DCDC1: variants seen among roughly 807,000 people sequenced by gnomAD.
DCDC1 encodes doublecortin domain containing 1.
DCDC1 carries 200 observed loss-of-function variants against 178.3 expected under a neutral mutation model. That is an observed-to-expected ratio of 1.12 (90% CI 1.00 to 1.26). The LOEUF (loss-of-function observed/expected upper bound fraction) is 1.26, where lower values mean the gene tolerates loss of function less well. Among genes scored for constraint, DCDC1 ranks in the 50% most tolerant of loss-of-function variants. The pLI, the probability that DCDC1 is intolerant of heterozygous loss-of-function variation, is 0.00. For synonymous variants in DCDC1, 690 were observed against 604.8 expected, an observed-to-expected ratio of 1.14 and a Z score of -2.07; for missense variants, 1,983 against 1,749.2, an observed-to-expected ratio of 1.13 and a Z score of -2.38.
chr11:31,170,184 T>C (rs1467771250), intron 9 of DCDC1, among the ~76,000 whole-genome samples: 6 of 152,220 alleles, frequency 3.9e-5, no homozygotes, highest in Non-Finnish European at 5.9e-5. Flanking sequence ...GTAGTCCAGA[T>C]GAAAGGTACC....
intron 6 of DCDC1, 55 bp downstream of exon 6, chr11:31,305,560 C>T (rs1468343398): frequency 6.4e-7 from 1 of 1,552,916 alleles, no homozygotes; most frequent in Non-Finnish European, 8.7e-7. Context: ...TTTAATTGCA[C>T]CCCTTAAGCA....
At chr11:31,141,911 CAGAGTT>C (rs1288213108) in intron 9 of DCDC1, among the ~76,000 whole-genome samples, 1 of 152,162 alleles carries the variant, frequency 6.6e-6, no homozygotes, top group African/African-American at 2.4e-5. Context: ...CTGTGGGAGT[CAGAGTT>C]AGTTACTGAA....
At chr11:31,315,890 G>A (rs1949081219) in intron 3 of DCDC1, among the ~76,000 whole-genome samples, 1 of 109,026 alleles carries the variant, frequency 9.2e-6, no homozygotes, top group South Asian at 3.1e-4. Flanking sequence ...CCACCTATGA[G>A]TGAGAATATG....
intron 23 of DCDC1, among the ~76,000 whole-genome samples, chr11:30,923,504 G>A (rs1946393835): frequency 6.7e-6 from 1 of 149,840 alleles, no homozygotes; most frequent in African/African-American, 2.5e-5. Context: ...GAAAGGCTCA[G>A]TAAGAAGAAA....
intron 20 of DCDC1, among the ~76,000 whole-genome samples, chr11:31,058,878 T>C (rs1419698010): frequency 6.6e-6 from 1 of 152,100 alleles, no homozygotes; most frequent in Non-Finnish European, 1.5e-5. Context: ...ACCACCTGTC[T>C]CCTCTTTTTT....
chr11:31,191,432 T>G (rs1462993878), intron 9 of DCDC1, among the ~76,000 whole-genome samples: 1 of 152,056 alleles, frequency 6.6e-6, no homozygotes, highest in Admixed American at 6.6e-5. Flanking sequence ...TATAAAACCT[T>G]GCAGCAAATA....
Position 31,310,308 on chromosome 11 carries a change from A to ATTTTTTTTTTTT in DCDC1, c.165-2412_165-2401dup, listed in dbSNP as rs11407483. 2.4e-4 allele frequency among the ~76,000 whole-genome samples: 13 copies of ATTTTTTTTTTTT among 53,882 alleles called. 1 individual carries two copies. The highest frequency in any genetic ancestry group is 7.7e-4 in the African/African-American group (9 of 11,730). 35.3% of individuals were successfully genotyped at this position (53,882 alleles called of 152,430 possible). On this transcript the variant is annotated intron_variant, in intron 3 of 38. Coordinates refer to ENST00000684477, the MANE Select transcript of DCDC1 (RefSeq NM_001387274.1). ...GAGGACAGGTTTTCAGTAATTCTTG[A>ATTTTTTTTTTTT]TTTTTTTTTTTTTTTTTTTTTTTTT...
At chr11:31,139,915 A>G (rs1591185680) in intron 9 of DCDC1, among the ~76,000 whole-genome samples, 1 of 152,372 alleles carries the variant, frequency 6.6e-6, no homozygotes, top group Non-Finnish European at 1.5e-5. Flanking sequence ...AATGGTCATC[A>G]AAATATAAGG....
intron 20 of DCDC1, among the ~76,000 whole-genome samples, chr11:30,999,958 A>C (rs779974854): frequency 6.6e-6 from 1 of 152,074 alleles, no homozygotes; most frequent in Non-Finnish European, 1.5e-5. Flanking sequence ...GAAGTCAACT[A>C]TCTCCTTTAG....
chr11:30,998,576 G>T lies in DCDC1; in HGVS notation c.2592-46008C>A, dbSNP rs578138108. ...ATTAGTAAATGTTTTAAAAATGACA[G>T]AAATAACAAATCACCATTAGAACAT... On this transcript the variant is annotated intron_variant, in intron 20 of 38. Transcript: ENST00000684477. Among the ~76,000 whole-genome samples, 219 of 152,264 alleles carry T rather than the reference G, an allele frequency of 1.4e-3. 1 individual carries two copies. Among genetic ancestry groups the T allele is most frequent in the African/African-American group, 4.7e-3 (195 of 41,560 alleles).
intron 20 of DCDC1, among the ~76,000 whole-genome samples, chr11:31,010,163 T>C (rs572785246): frequency 6.6e-6 from 1 of 152,334 alleles, no homozygotes; most frequent in Non-Finnish European, 1.5e-5. Flanking sequence ...ACAGATATCT[T>C]GTGACCCAGT....
At chr11:31,145,467 G>A (rs891764309) in intron 9 of DCDC1, among the ~76,000 whole-genome samples, 26 of 152,186 alleles carry the variant, frequency 1.7e-4, no homozygotes, top group Non-Finnish European at 2.9e-4. Context: ...CAGCTTAAGC[G>A]ACATTCACAC....
At chr11:31,305,519 C>G in intron 6 of DCDC1, 96 bp downstream of exon 6, 1 of 1,469,566 alleles carries the variant, frequency 6.8e-7, no homozygotes, top group Non-Finnish European at 9.2e-7. Context: ...TTTTGTTAAA[C>G]CATGCAAAAA....
chr11:31,140,176 A>G (rs1963640276), intron 9 of DCDC1, among the ~76,000 whole-genome samples: 1 of 152,108 alleles, frequency 6.6e-6, no homozygotes, highest in African/African-American at 2.4e-5. Flanking sequence ...AAATAAAACT[A>G]TATGCTTTCG....
intron 34 of DCDC1, among the ~76,000 whole-genome samples, chr11:30,895,391 A>C (rs1160418415): frequency 1.3e-5 from 2 of 152,224 alleles, no homozygotes; most frequent in Non-Finnish European, 2.9e-5. Context: ...AGTCTGAGGC[A>C]CAACAGAAGG....
chr11:30,929,398 T>G (rs2134300683), intron 22 of DCDC1, among the ~76,000 whole-genome samples: 1 of 152,186 alleles, frequency 6.6e-6, no homozygotes, highest in Non-Finnish European at 1.5e-5. Flanking sequence ...CACAACTAAC[T>G]CGAGAGGAGA....
chr11:31,075,789 C>A (rs779697170), intron 18 of DCDC1, among the ~76,000 whole-genome samples: 15 of 152,310 alleles, frequency 9.8e-5, no homozygotes, highest in South Asian at 6.2e-4. Flanking sequence ...AGACATTAGC[C>A]CCCTGTGGGG....
At chr11:31,158,999 T>C (rs1966030209) in intron 9 of DCDC1, among the ~76,000 whole-genome samples, 1 of 151,936 alleles carries the variant, frequency 6.6e-6, no homozygotes, top group Non-Finnish European at 1.5e-5. Flanking sequence ...ATAAATTGGA[T>C]GTATACCAAA....
intron 17 of DCDC1, among the ~76,000 whole-genome samples, chr11:31,083,800 G>A (rs959012484): frequency 2.0e-5 from 3 of 152,126 alleles, no homozygotes; most frequent in Non-Finnish European, 4.4e-5. Flanking sequence ...TCCTCTGTGC[G>A]TGCATGTGTG....
Sources: allele counts gnomAD v4.1 joint callset (sites outside exome capture counted in the v4.1 genomes callset), GRCh38; gene constraint gnomAD v4.1.1; transcripts MANE v1.5; gene names NCBI Gene and HGNC (gene_info 2026-07-23, HGNC 2026-07-21).